HTR7: variants seen among roughly 807,000 people sequenced by gnomAD.
The protein encoded by HTR7 is 5-hydroxytryptamine receptor 7, also known as 5-HT-7.
A neutral mutation model predicts 34.0 loss-of-function variants in HTR7; 16 were observed. The observed-to-expected ratio is 0.47, with a 90% CI of 0.32 to 0.71. HTR7 has a LOEUF of 0.71. Ranked by LOEUF, HTR7 falls within the 30% of genes least tolerant of loss-of-function variation. The probability of loss-of-function intolerance (pLI) is 0.04; values close to 1 mark genes in which losing one functional copy is unlikely to be tolerated. For synonymous variants in HTR7, 265 were observed against 260.2 expected (o/e 1.02, Z -0.18); for missense variants, 504 against 625.5 (o/e 0.81, Z 2.07).
Position 90,813,335 on chromosome 10 carries a change from A to C in HTR7, c.539+43798T>G, listed in dbSNP as rs141672103. Among the ~76,000 whole-genome samples the C allele has an allele frequency of 1.1e-3, 175 of 152,286 alleles. 1 individual carries two copies. In the East Asian group the frequency reaches 0.029, roughly 26 times the overall value. ...TCAGGAGGTCAAGACCAGCCTGGCC[A>C]ACATGGTGAAACCCCATCTCTACCA... On this transcript the variant is annotated intron_variant, in intron 1 of 3. Transcript: ENST00000336152.
At chr10:90,795,801 C>T (rs1481517002) in intron 1 of HTR7, among the ~76,000 whole-genome samples, 1 of 152,118 alleles carries the variant, frequency 6.6e-6, no homozygotes, top group Non-Finnish European at 1.5e-5. Flanking sequence ...TACATTGGTA[C>T]ATTGGAAGGG....
At chr10:90,815,084 G>GTT (rs60659958) in intron 1 of HTR7, among the ~76,000 whole-genome samples, 1 of 144,948 alleles carries the variant, frequency 6.9e-6, no homozygotes, top group Non-Finnish European at 1.5e-5. Flanking sequence ...TTTTTTTTTT[G>GTT]TTTTTTTTTT....
chr10:90,802,402 T>C (rs1384142765), intron 1 of HTR7, among the ~76,000 whole-genome samples: 1 of 152,236 alleles, frequency 6.6e-6, no homozygotes, highest in Non-Finnish European at 1.5e-5. Context: ...CTTAAGTCTA[T>C]TTCTGAGAGA....
intron 1 of HTR7, among the ~76,000 whole-genome samples, chr10:90,810,725 G>A (rs896460850): frequency 1.1e-4 from 16 of 151,974 alleles, no homozygotes; most frequent in East Asian, 3.9e-4. Context: ...GCCTCTCTTC[G>A]CTTTCACTTG....
chr10:90,832,835 G>A (rs1392304188), intron 1 of HTR7, among the ~76,000 whole-genome samples: 2 of 152,208 alleles, frequency 1.3e-5, no homozygotes, highest in Non-Finnish European at 2.9e-5. Context: ...GAAGGAAGGA[G>A]TCACGCAGAA....
chr10:90,847,390 A>G (rs1466279221), intron 1 of HTR7, among the ~76,000 whole-genome samples: 1 of 152,222 alleles, frequency 6.6e-6, no homozygotes. Context: ...ACTACACAAA[A>G]GAACAGGGCA....
rs557596030 is a variant in HTR7, at chr10:90,802,847, C to T, written c.540-53253G>A. Among the ~76,000 whole-genome samples the T allele has an allele frequency of 6.6e-4, 100 of 152,186 alleles. No individual in the cohort carries two copies. In the South Asian group the frequency reaches 0.02, roughly 30 times the overall value. ...CTTTTGCCACTTATTGATCCTTTTC[C>T]CTTCCATGGACAGCTTTTGATTTCC... is the stretch of plus-strand genomic sequence containing the variant. On this transcript the variant is annotated intron_variant, in intron 1 of 3. Coordinates refer to ENST00000336152, the MANE Select transcript of HTR7 (RefSeq NM_019859.4).
At chr10:90,801,117 G>C (rs1016651854) in intron 1 of HTR7, among the ~76,000 whole-genome samples, 3 of 152,134 alleles carry the variant, frequency 2.0e-5, no homozygotes, top group Non-Finnish European at 4.4e-5. Flanking sequence ...TCTAAAAAGG[G>C]AGTTTGCTCA....
intron 1 of HTR7, among the ~76,000 whole-genome samples, chr10:90,818,253 G>T (rs574850784): frequency 5.3e-5 from 8 of 152,334 alleles, no homozygotes; most frequent in African/African-American, 1.9e-4. Flanking sequence ...CACAAGAGTG[G>T]TCTTGATATA....
At chr10:90,836,367 C>A (rs1846251939) in intron 1 of HTR7, among the ~76,000 whole-genome samples, 1 of 152,184 alleles carries the variant, frequency 6.6e-6, no homozygotes, top group South Asian at 2.1e-4. Flanking sequence ...GCTGCCCTAA[C>A]TGACTGGTGG....
chr10:90,786,449 T>C (rs1234671503), intron 1 of HTR7, among the ~76,000 whole-genome samples: 1 of 152,202 alleles, frequency 6.6e-6, no homozygotes, highest in African/African-American at 2.4e-5. Context: ...CTTCCACGTG[T>C]ATTTGTTCCT....
intron 1 of HTR7, among the ~76,000 whole-genome samples, chr10:90,758,344 C>CAAAAA (rs58130009): frequency 1.9e-5 from 1 of 51,910 alleles, no homozygotes; most frequent in Non-Finnish European, 3.3e-5. Context: ...GGCTCTGTCT[C>CAAAAA]AAAAAAAAAA....
At chr10:90,849,448 C>T (rs934931677) in intron 1 of HTR7, among the ~76,000 whole-genome samples, 1 of 151,668 alleles carries the variant, frequency 6.6e-6, no homozygotes, top group Non-Finnish European at 1.5e-5. Flanking sequence ...ATCAGTTTCA[C>T]AAATATATTA....
intron 1 of HTR7, among the ~76,000 whole-genome samples, chr10:90,847,986 A>G (rs1846434900): frequency 7.6e-6 from 1 of 132,372 alleles, no homozygotes; most frequent in South Asian, 2.3e-4. Flanking sequence ...GTCAAGAAAG[A>G]AAACACTACA....
chr10:90,811,735 C>T (rs1269397496), intron 1 of HTR7, among the ~76,000 whole-genome samples: 2 of 152,086 alleles, frequency 1.3e-5, no homozygotes, highest in Admixed American at 1.3e-4. Context: ...GGCAAATTAG[C>T]TTTACTCAAC....
At chr10:90,758,318 C>T (rs895143180) in intron 1 of HTR7, among the ~76,000 whole-genome samples, 2 of 97,688 alleles carry the variant, frequency 2.0e-5, no homozygotes, top group African/African-American at 8.0e-5. Flanking sequence ...GCACTCCAGC[C>T]TGGGCGACAA....
At chr10:90,808,694 C>T (rs932498125) in intron 1 of HTR7, among the ~76,000 whole-genome samples, 2 of 152,112 alleles carry the variant, frequency 1.3e-5, no homozygotes, top group African/African-American at 4.8e-5. Context: ...GCTTCCTTCA[C>T]TATGGGCAAC....
Position 90,793,190 on chromosome 10 carries a change from A to G in HTR7, c.540-43596T>C, listed in dbSNP as rs147729986. On this transcript the variant is annotated intron_variant, in intron 1 of 3. Transcript: ENST00000336152. Reference sequence around the variant, plus strand: ...ATATCCAGAATATATTCCGGATAAGAACTTCTACAACTCAACAAGAAAAAA... The same window carrying G: ...ATATCCAGAATATATTCCGGATAAGGACTTCTACAACTCAACAAGAAAAAA... Among the ~76,000 whole-genome samples, 161 of 152,232 alleles carry G rather than the reference A, an allele frequency of 1.1e-3. 2 individuals carry two copies. The East Asian group carries it at 0.028, about 26-fold the overall frequency.
At chr10:90,764,396 C>T (rs1003266126) in intron 1 of HTR7, among the ~76,000 whole-genome samples, 1 of 152,132 alleles carries the variant, frequency 6.6e-6, no homozygotes, top group Non-Finnish European at 1.5e-5. Flanking sequence ...AATTTTCTCC[C>T]ATTCTGTAAG....
Sources: gnomAD v4.1 joint callset for allele counts (sites outside exome capture counted in the v4.1 genomes callset) on GRCh38, gnomAD v4.1.1 for gene constraint, MANE v1.5 for transcripts, NCBI Gene and HGNC (gene_info 2026-07-23, HGNC 2026-07-21) for gene names.